Variants in CACNA2D3 observed in about 807,000 individuals in gnomAD.
CACNA2D3 encodes the protein voltage-dependent calcium channel subunit alpha-2/delta-3.
Under a neutral mutation model 160.6 loss-of-function variants are expected in CACNA2D3, and 60 were observed. That is an observed-to-expected ratio of 0.37 (90% CI 0.30 to 0.46). The LOEUF is 0.46. Ranked by LOEUF, CACNA2D3 falls within the 20% of genes least tolerant of loss-of-function variation. The pLI is 1.00. For missense variants in CACNA2D3, 1,205 were observed against 1,365.0 expected (o/e 0.88, Z 1.85); for synonymous variants, 558 against 492.9 (o/e 1.13, Z -1.75).
intron 3 of CACNA2D3, among the ~76,000 whole-genome samples, chr3:54,359,916 C>T (rs2107540310): frequency 6.6e-6 from 1 of 152,276 alleles, no homozygotes; most frequent in East Asian, 1.9e-4. Flanking sequence ...GCTCAGACCT[C>T]TATTTTAGAG....
At chr3:55,069,708 A>G (rs772199064) in intron 35 of CACNA2D3, among the ~76,000 whole-genome samples, 12 of 152,210 alleles carry the variant, frequency 7.9e-5, no homozygotes, top group Non-Finnish European at 1.6e-4. Context: ...ACCTGGGGGT[A>G]GATTCTCAAT....
chr3:54,258,130 A>T (rs1450583992), intron 2 of CACNA2D3, among the ~76,000 whole-genome samples: 1 of 152,212 alleles, frequency 6.6e-6, no homozygotes, highest in African/African-American at 2.4e-5. Context: ...CCCTGGTTAG[A>T]TGGCTATCCT....
intron 27 of CACNA2D3, among the ~76,000 whole-genome samples, chr3:54,938,144 C>A (rs2048804): frequency 0.61 from 92,653 of 152,038 alleles, 28,657 homozygotes; most frequent in East Asian, 0.78. Context: ...AGCAGAATGG[C>A]AGAGTTGCAT....
intron 27 of CACNA2D3, among the ~76,000 whole-genome samples, chr3:54,909,527 T>A (rs1047418366): frequency 6.6e-6 from 1 of 152,078 alleles, no homozygotes; most frequent in Non-Finnish European, 1.5e-5. Context: ...ATGAGCAGAA[T>A]CTGCAGCAGA....
chr3:54,711,013 G>T (rs1434014887), intron 11 of CACNA2D3, among the ~76,000 whole-genome samples: 1 of 152,152 alleles, frequency 6.6e-6, no homozygotes, highest in Non-Finnish European at 1.5e-5. Context: ...TTGATAGAAG[G>T]TAATTGAACT....
At chr3:54,589,263 T>C (rs950328472) in intron 9 of CACNA2D3, among the ~76,000 whole-genome samples, 1 of 152,052 alleles carries the variant, frequency 6.6e-6, no homozygotes, top group Non-Finnish European at 1.5e-5. Context: ...CAGAAACAAT[T>C]CGATGGAGGA....
At chr3:54,819,336 C>T (rs918963440) in intron 14 of CACNA2D3, among the ~76,000 whole-genome samples, 1 of 152,216 alleles carries the variant, frequency 6.6e-6, no homozygotes, top group Admixed American at 6.5e-5. Flanking sequence ...TCGCACAGAG[C>T]CTGGCATATG....
intron 11 of CACNA2D3, among the ~76,000 whole-genome samples, chr3:54,735,428 A>T (rs1701477020): frequency 6.6e-6 from 1 of 152,190 alleles, no homozygotes; most frequent in Admixed American, 6.5e-5. Flanking sequence ...ATGAAGGTTG[A>T]AGTCCCTTGG....
At position 54,145,545 on chromosome 3, in the gene CACNA2D3, T is replaced by C. The variant is rs573992933; in HGVS notation, c.204+21951T>C. Among the ~76,000 whole-genome samples the C allele has an allele frequency of 1.2e-4, 18 of 152,370 alleles. No individual in the cohort carries two copies. The East Asian group carries it at 3.3e-3, about 28-fold the overall frequency. On this transcript the variant is annotated intron_variant, in intron 2 of 37. Transcript: ENST00000474759. The stretch of plus-strand genomic sequence containing the variant: ...AGAAGGATTCCAGGTGGTTTCTGAA[T>C]GACAGGCTTGTTATATGCAGCAGAG...
At chr3:54,251,551 G>A (rs1702190352) in intron 2 of CACNA2D3, among the ~76,000 whole-genome samples, 1 of 152,206 alleles carries the variant, frequency 6.6e-6, no homozygotes, top group Non-Finnish European at 1.5e-5. Context: ...TGTAGTGAGT[G>A]AGAATGAGTG....
intron 2 of CACNA2D3, among the ~76,000 whole-genome samples, chr3:54,312,993 A>G (rs1468086114): frequency 6.6e-6 from 1 of 152,214 alleles, no homozygotes; most frequent in Non-Finnish European, 1.5e-5. Flanking sequence ...GTTTAGGAAT[A>G]TGAAAACACA....
In CACNA2D3 at chr3:54,818,379, C is replaced by T. The variant is rs567826343; in HGVS notation, c.1398+1509C>T. Among the ~76,000 whole-genome samples, 4 of 152,286 alleles carry T rather than the reference C, an allele frequency of 2.6e-5. No homozygotes were observed. In the East Asian group the frequency reaches 5.8e-4, roughly 22 times the overall value. On this transcript the variant is annotated intron_variant, in intron 14 of 37. Coordinates refer to ENST00000474759, the MANE Select transcript of CACNA2D3 (RefSeq NM_018398.3). ...TATTTTTAGTAGAGACAGGGTTTTGCCATGTTGGCCAGGCTGATCTTGAAT... is the reference window on the plus strand; with the variant it reads ...TATTTTTAGTAGAGACAGGGTTTTGTCATGTTGGCCAGGCTGATCTTGAAT...
intron 3 of CACNA2D3, among the ~76,000 whole-genome samples, chr3:54,345,847 A>T (rs922898005): frequency 6.2e-5 from 9 of 145,592 alleles, no homozygotes; most frequent in East Asian, 6.0e-4. Flanking sequence ...TTTTTTTTTA[A>T]AAAAATTGCA....
intron 11 of CACNA2D3, among the ~76,000 whole-genome samples, chr3:54,657,231 C>A (rs147923027): frequency 2.6e-5 from 4 of 152,080 alleles, no homozygotes; most frequent in Non-Finnish European, 4.4e-5. Flanking sequence ...CAGGAACCCG[C>A]GGTCTGGATG....
intron 10 of CACNA2D3, among the ~76,000 whole-genome samples, chr3:54,629,397 C>T (rs500382): frequency 0.76 from 114,811 of 152,048 alleles, 43,697 homozygotes; most frequent in African/African-American, 0.79. Flanking sequence ...CCCTAATTTC[C>T]AGACTCTCTT....
chr3:54,349,727 TAGC>T (rs1291725156), intron 3 of CACNA2D3, among the ~76,000 whole-genome samples: 1 of 152,220 alleles, frequency 6.6e-6, no homozygotes, highest in Admixed American at 6.5e-5. Flanking sequence ...CTTCCCATGA[TAGC>T]AGGCCCATCT....
chr3:54,636,747 C>T lies in CACNA2D3; in HGVS notation c.1054-5381C>T, dbSNP rs530218469. On this transcript the variant is annotated intron_variant, in intron 10 of 37. Transcript: ENST00000474759. ...TGAGGTTTGGGAGATTAATCGGACACGATCAGCAGGGAAAGCACGTGTGTT... is the reference window on the plus strand; with the variant it reads ...TGAGGTTTGGGAGATTAATCGGACATGATCAGCAGGGAAAGCACGTGTGTT... Among the ~76,000 whole-genome samples, 9 of 151,960 alleles carry T rather than the reference C, an allele frequency of 5.9e-5. No individual in the cohort carries two copies. In the South Asian group the frequency reaches 8.3e-4, roughly 14 times the overall value.
chr3:54,977,200 G>C (rs1212603767), intron 29 of CACNA2D3, among the ~76,000 whole-genome samples: 3 of 152,242 alleles, frequency 2.0e-5, no homozygotes, highest in African/African-American at 7.2e-5. Flanking sequence ...ATATAGTAAA[G>C]AGTTTGATCA....
chr3:54,224,206 C>G (rs1701626379), intron 2 of CACNA2D3, among the ~76,000 whole-genome samples: 1 of 152,130 alleles, frequency 6.6e-6, no homozygotes. Context: ...AGAGAGCTGT[C>G]ATCTCCTGCG....
Sources: allele counts gnomAD v4.1 joint callset (sites outside exome capture counted in the v4.1 genomes callset), GRCh38; gene constraint gnomAD v4.1.1; transcripts MANE v1.5; gene names NCBI Gene and HGNC (gene_info 2026-07-23, HGNC 2026-07-21).